The following CACNA1A variants were observed in gnomAD, a reference collection of about 807,000 sequenced individuals.
CACNA1A encodes the protein calcium voltage-gated channel subunit alpha1 A.
In CACNA1A, 57 loss-of-function variants were observed where a neutral mutation model predicts 262.4. That is an observed-to-expected ratio of 0.22 (90% confidence interval 0.18 to 0.27). CACNA1A has a LOEUF of 0.27. CACNA1A is among the 10% of genes least tolerant of loss of function. The pLI is 1.00. For synonymous variants in CACNA1A, 1,431 were observed against 1,419.3 expected, an observed-to-expected ratio of 1.01 and a Z score of -0.18; for missense variants, 2,526 against 3,562.8, an observed-to-expected ratio of 0.71 and a Z score of 7.41.
chr19:13,336,622 A>AGAGAGAGAGG, intron 6 of CACNA1A, among the ~76,000 whole-genome samples: 1 of 150,936 alleles, frequency 6.6e-6, no homozygotes, highest in South Asian at 2.1e-4. Context: ...AGAGAGAGAG[A>AGAGAGAGAGG]GAGAGAGAGA....
At chr19:13,347,059 G>GTTTTTTTTTTTTTTT (rs1207564258) in intron 6 of CACNA1A, among the ~76,000 whole-genome samples, 3 of 58,388 alleles carry the variant, frequency 5.1e-5, no homozygotes, top group Admixed American at 2.4e-4. Context: ...TGTTTTTTTT[G>GTTTTTTTTTTTTTTT]TTTTTTTGTT....
intron 7 of CACNA1A, 60 bp downstream of exon 7, chr19:13,335,746 T>C (rs551481197): frequency 2.7e-6 from 3 of 1,111,930 alleles, no homozygotes; most frequent in African/African-American, 3.1e-5. Context: ...TGGCCTCTAC[T>C]TGGAAAGAAG....
At chr19:13,393,335 ACGT>A (rs1054919823) in intron 3 of CACNA1A, among the ~76,000 whole-genome samples, 6 of 152,172 alleles carry the variant, frequency 3.9e-5, no homozygotes, top group Non-Finnish European at 8.8e-5. Flanking sequence ...CACACATACA[ACGT>A]CAAGGGAAAG....
At chr19:13,466,626 C>T (rs1270899929) in intron 1 of CACNA1A, among the ~76,000 whole-genome samples, 1 of 152,082 alleles carries the variant, frequency 6.6e-6, no homozygotes, top group African/African-American at 2.4e-5. Flanking sequence ...CAGGCGTGAG[C>T]CACCATGCCC....
At chr19:13,422,870 G>A (rs1405364994) in intron 3 of CACNA1A, among the ~76,000 whole-genome samples, 1 of 152,226 alleles carries the variant, frequency 6.6e-6, no homozygotes. Flanking sequence ...TCCACTGGGA[G>A]TGAACAGCTG....
In CACNA1A at chr19:13,207,339, T is replaced by C; in HGVS notation, c.7495A>G (p.Ser2499Gly). Residue 2499 changes from serine to glycine, a missense_variant, in exon 47 of 47, where the codon AGC becomes GGC. By Grantham distance (56) the Ser-to-Gly change is moderately conservative. Coordinates refer to ENST00000360228, the MANE Select transcript of CACNA1A (RefSeq NM_001127222.2). The surrounding 1 kb of genome is among the most constrained non-coding windows in gnomAD (Gnocchi z 5.7). ...TAGCACCAATCATCGTCACTCTCGC[T>C]GTAGGGTTCGTGCAGGCCCTTCCTG... The part of the protein sequence containing the change: ...GSRKGLHEPY[S>G]ESDDDWC The C allele has an allele frequency of 6.4e-7, 1 of 1,561,490 alleles. No individual in the cohort carries two copies. The highest frequency in any genetic ancestry group is 1.2e-5 in the South Asian group (1 of 86,876).
chr19:13,208,728 G>T, intron 46 of CACNA1A, 28 bp downstream of exon 46: 1 of 1,556,216 alleles, frequency 6.4e-7, no homozygotes, highest in Non-Finnish European at 8.6e-7. Context: ...GCCGAGCCCA[G>T]CCTGGGGTCA....
chr19:13,413,899 G>GAAAAGA lies in CACNA1A; in HGVS notation c.539+38976_539+38977insTCTTTT, dbSNP rs1393519384. ...CTGTCAAGAAAGAAAGAAAGAAAAAGAAAGAAAGAAAGAAAGAAAGAAAGA... is the reference window on the plus strand; with the variant it reads ...CTGTCAAGAAAGAAAGAAAGAAAAAGAAAAGAAAAGAAAGAAAGAAAGAAAGAAAGA... On this transcript the variant is annotated intron_variant, in intron 3 of 46. Coordinates refer to ENST00000360228, the MANE Select transcript of CACNA1A (RefSeq NM_001127222.2). Among the ~76,000 whole-genome samples, 28 of 32,034 alleles carry GAAAAGA rather than the reference G, an allele frequency of 8.7e-4. 1 individual carries two copies. Among genetic ancestry groups the GAAAAGA allele is most frequent in the African/African-American group, 2.4e-3 (28 of 11,698 alleles). The allele number at this position is 32,034 out of a possible 152,430, so 21.0% of individuals were successfully genotyped here.
intron 35 of CACNA1A, 130 bp downstream of exon 35, chr19:13,231,580 C>CCAGGCTGGGGAT: frequency 1.1e-6 from 1 of 932,038 alleles, no homozygotes; most frequent in Admixed American, 2.5e-5. Context: ...TCACCTGATC[C>CCAGGCTGGGGAT]CAGGCTGGTT....
At chr19:13,498,475 G>A (rs899989686) in intron 1 of CACNA1A, among the ~76,000 whole-genome samples, 1 of 152,018 alleles carries the variant, frequency 6.6e-6, no homozygotes, top group Non-Finnish European at 1.5e-5. Context: ...CTTGAATCCT[G>A]TTATTTGGGG....
At chr19:13,335,417 C>T (rs1356760542) in intron 7 of CACNA1A, among the ~76,000 whole-genome samples, 1 of 152,100 alleles carries the variant, frequency 6.6e-6, no homozygotes, top group Non-Finnish European at 1.5e-5. Flanking sequence ...AGTGCCCAGA[C>T]TTCTTATGGT....
chr19:13,299,421 G>A (rs12985136), intron 18 of CACNA1A, 68 bp from the exon 19 acceptor site: 3 of 1,384,706 alleles, frequency 2.2e-6, no homozygotes, highest in East Asian at 2.3e-5. Flanking sequence ...TGACCCAGGC[G>A]AACCAACCCA....
At chr19:13,447,980 CTTTGCAT>C (rs1260124416) in intron 3 of CACNA1A, among the ~76,000 whole-genome samples, 5 of 151,908 alleles carry the variant, frequency 3.3e-5, no homozygotes, top group Non-Finnish European at 7.4e-5. Flanking sequence ...AGGAACAAGA[CTTTGCAT>C]CCTTCAAGCT....
intron 6 of CACNA1A, among the ~76,000 whole-genome samples, chr19:13,349,998 A>G (rs1423592024): frequency 6.6e-6 from 1 of 152,188 alleles, no homozygotes; most frequent in Non-Finnish European, 1.5e-5. Flanking sequence ...CCAGGTCAAG[A>G]ACAGAGATGG....
intron 1 of CACNA1A, among the ~76,000 whole-genome samples, chr19:13,480,221 C>T (rs541946149): frequency 1.3e-5 from 2 of 152,246 alleles, no homozygotes; most frequent in South Asian, 2.1e-4. Context: ...TTCTGGCCTC[C>T]CCTTCCACCT....
intron 38 of CACNA1A, among the ~76,000 whole-genome samples, chr19:13,222,408 T>C (rs898499356): frequency 2.0e-5 from 3 of 148,202 alleles, no homozygotes; most frequent in Non-Finnish European, 3.0e-5. Flanking sequence ...TTTTTTTTTT[T>C]TTTTTCAGAT....
intron 4 of CACNA1A, among the ~76,000 whole-genome samples, chr19:13,366,875 A>AT (rs1410460154): frequency 6.6e-6 from 1 of 152,120 alleles, no homozygotes; most frequent in Non-Finnish European, 1.5e-5. Context: ...ACTCAACATT[A>AT]TTTCACTGGC....
chr19:13,224,785 C>A lies in CACNA1A; in HGVS notation c.5626-13G>T. 6.3e-7 allele frequency: 1 copy of A among 1,590,822 alleles called. No individual in the cohort carries two copies. Among genetic ancestry groups the A allele is most frequent in the South Asian group, 1.1e-5 (1 of 87,992 alleles). ...TCCGCAGAAGCCGCTACAGAAAACC[C>A]AAGGCAAGCGCAGTCATTCCCAGGC... On this transcript the variant is annotated splice_polypyrimidine_tract_variant and intron_variant, in intron 37 of 46. Coordinates refer to ENST00000360228, the MANE Select transcript of CACNA1A (RefSeq NM_001127222.2).
intron 34 of CACNA1A, 126 bp from the exon 35 acceptor site, chr19:13,231,986 G>T: frequency 2.4e-6 from 2 of 828,074 alleles, no homozygotes; most frequent in Non-Finnish European, 1.9e-6. Context: ...GCCCCAGGTG[G>T]ACCACCTCCT....
Sources: gnomAD v4.1 joint callset for allele counts (sites outside exome capture counted in the v4.1 genomes callset) on GRCh38, gnomAD v4.1.1 for gene constraint, Gnocchi (gnomAD v3.1) non-coding constraint, MANE v1.5 for transcripts, NCBI Gene and HGNC (gene_info 2026-07-23, HGNC 2026-07-21) for gene names.